The following SHANK2 variants were observed in gnomAD, a reference collection of about 807,000 sequenced individuals.
The protein encoded by SHANK2 is SH3 and multiple ankyrin repeat domains 2.
SHANK2 carries 43 observed loss-of-function variants against 133.7 expected under a neutral mutation model. That is an observed-to-expected ratio of 0.32 (90% CI 0.25 to 0.41). SHANK2 has a LOEUF of 0.41. Ranked by LOEUF, SHANK2 falls within the 10% of genes least tolerant of loss-of-function variation. The pLI is 1.00. For missense variants in SHANK2, 1,994 were observed against 2,235.8 expected, an observed-to-expected ratio of 0.89 and a Z score of 2.18; for synonymous variants, 1,017 against 952.8, an observed-to-expected ratio of 1.07 and a Z score of -1.24.
intron 14 of SHANK2, among the ~76,000 whole-genome samples, chr11:70,723,527 G>A (rs766322836): frequency 2.0e-5 from 3 of 152,164 alleles, no homozygotes; most frequent in Non-Finnish European, 4.4e-5. Flanking sequence ...ACCTCCAGAT[G>A]AGAATGCAGC....
At chr11:70,514,385 A>G (rs1554969686) in intron 17 of SHANK2, among the ~76,000 whole-genome samples, 1 of 152,268 alleles carries the variant, frequency 6.6e-6, no homozygotes, top group East Asian at 1.9e-4. Context: ...ACGTTCTTCA[A>G]GCTGAAGTGA....
At chr11:71,086,862 A>C (rs1368462905) in intron 8 of SHANK2, among the ~76,000 whole-genome samples, 1 of 152,360 alleles carries the variant, frequency 6.6e-6, no homozygotes, top group East Asian at 1.9e-4. Flanking sequence ...AGGGCCCTGC[A>C]GATGAATGAG....
chr11:71,135,487 T>G (rs1477052289), intron 3 of SHANK2, among the ~76,000 whole-genome samples: 2 of 149,638 alleles, frequency 1.3e-5, no homozygotes, highest in South Asian at 2.1e-4. Context: ...GATATGTTTT[T>G]TTTTTTTTTT....
chr11:70,827,886 G>A (rs957400851), intron 11 of SHANK2, among the ~76,000 whole-genome samples: 7 of 152,260 alleles, frequency 4.6e-5, no homozygotes, highest in African/African-American at 1.2e-4. Flanking sequence ...TACCAGGGAC[G>A]GGACTGCGGC....
intron 2 of SHANK2, among the ~76,000 whole-genome samples, chr11:71,163,906 CT>C (rs1328687372): frequency 6.8e-4 from 104 of 152,296 alleles, no homozygotes; most frequent in African/African-American, 2.4e-3. Flanking sequence ...AATTAATAGG[CT>C]TTATTTTTCT....
intron 11 of SHANK2, among the ~76,000 whole-genome samples, chr11:70,862,165 C>G (rs782245980): frequency 6.6e-6 from 1 of 152,216 alleles, no homozygotes; most frequent in Non-Finnish European, 1.5e-5. Context: ...GATGGCACAC[C>G]TGCCCAGTGC....
intron 10 of SHANK2, among the ~76,000 whole-genome samples, chr11:70,911,775 G>A (rs1950195121): frequency 6.6e-6 from 1 of 152,080 alleles, no homozygotes; most frequent in East Asian, 1.9e-4. Context: ...TGACAAGAGT[G>A]AGAATGGTGG....
At chr11:71,129,322 C>G (rs1952251830) in intron 3 of SHANK2, among the ~76,000 whole-genome samples, 1 of 152,216 alleles carries the variant, frequency 6.6e-6, no homozygotes, top group Non-Finnish European at 1.5e-5. Flanking sequence ...GAGGCTACGC[C>G]ACCGAGGTCT....
intron 17 of SHANK2, chr11:70,646,268 G>A (rs1270349096): frequency 6.6e-6 from 1 of 152,214 alleles, no homozygotes; most frequent in Non-Finnish European, 1.5e-5. Context: ...GGCTGTGTCA[G>A]ACGCACCTGA....
intron 14 of SHANK2, among the ~76,000 whole-genome samples, chr11:70,792,235 A>C (rs1167885792): frequency 2.0e-5 from 3 of 149,836 alleles, no homozygotes; most frequent in African/African-American, 7.4e-5. Flanking sequence ...AGTCAGCTAG[A>C]CAGCTAATCA....
intron 17 of SHANK2, among the ~76,000 whole-genome samples, chr11:70,583,216 C>G (rs2060206454): frequency 6.6e-6 from 1 of 152,162 alleles, no homozygotes; most frequent in Non-Finnish European, 1.5e-5. Flanking sequence ...GGGGGATTCC[C>G]AGGCTGACTC....
At chr11:71,176,887 T>G (rs2135531311) in intron 2 of SHANK2, among the ~76,000 whole-genome samples, 1 of 152,006 alleles carries the variant, frequency 6.6e-6, no homozygotes, top group East Asian at 1.9e-4. Flanking sequence ...AGCACAAGAA[T>G]CATAAAGAAA....
At chr11:70,509,783 G>A (rs1343122284) in intron 17 of SHANK2, among the ~76,000 whole-genome samples, 1 of 152,220 alleles carries the variant, frequency 6.6e-6, no homozygotes, top group Non-Finnish European at 1.5e-5. Context: ...TTATAAAAGG[G>A]ACCCTGGAGC....
At chr11:71,211,876 A>G (rs1389805902) in intron 2 of SHANK2, among the ~76,000 whole-genome samples, 5 of 151,672 alleles carry the variant, frequency 3.3e-5, no homozygotes, top group East Asian at 2.0e-4. Flanking sequence ...TCCTCTGTGC[A>G]TGGTTCTTTA....
chr11:70,496,766 C>T (rs2058977263), intron 21 of SHANK2, among the ~76,000 whole-genome samples: 1 of 150,428 alleles, frequency 6.6e-6, no homozygotes, highest in Non-Finnish European at 1.5e-5. Flanking sequence ...GCTGCCCAGC[C>T]CTGGGCCCTG....
chr11:71,129,126 C>T (rs1472882562), intron 3 of SHANK2, among the ~76,000 whole-genome samples: 8 of 152,158 alleles, frequency 5.3e-5, no homozygotes, highest in African/African-American at 1.4e-4. Flanking sequence ...AGCTAGTAAA[C>T]GTGGATGGCA....
intron 15 of SHANK2, chr11:70,667,739 G>A (rs1287921233): frequency 1.0e-4 from 16 of 152,382 alleles, no homozygotes; most frequent in African/African-American, 3.8e-4. Flanking sequence ...CCAGGCCTGA[G>A]CTGGCCCAGA....
At chr11:70,737,603 G>A (rs958267368) in intron 14 of SHANK2, among the ~76,000 whole-genome samples, 2 of 152,218 alleles carry the variant, frequency 1.3e-5, no homozygotes, top group Non-Finnish European at 2.9e-5. Context: ...CCAGGAGACT[G>A]TCTGCAAAGG....
chr11:71,143,945 C>T (rs1185988249), intron 3 of SHANK2, among the ~76,000 whole-genome samples: 5 of 151,692 alleles, frequency 3.3e-5, no homozygotes, highest in African/African-American at 1.2e-4. Context: ...ATCCATTCAC[C>T]GAGAAAGCAC....
Sources: allele counts gnomAD v4.1 joint callset (sites outside exome capture counted in the v4.1 genomes callset), GRCh38; gene constraint gnomAD v4.1.1; transcripts MANE v1.5; gene names NCBI Gene and HGNC (gene_info 2026-07-23, HGNC 2026-07-21).